Variants in GALNT13 observed in about 807,000 individuals in gnomAD.
GALNT13 encodes polypeptide N-acetylgalactosaminyltransferase 13, also known as UDP-GalNAc:polypeptide N-acetylgalactosaminyltransferase 13.
In GALNT13, 28 loss-of-function variants were observed where a neutral mutation model predicts 64.2. The observed-to-expected ratio is 0.44, with a 90% CI of 0.32 to 0.60. The LOEUF is 0.60. Among genes scored for constraint, GALNT13 ranks in the 20% least tolerant of loss-of-function variants. The probability of loss-of-function intolerance (pLI) is 0.05; values close to 1 mark genes in which losing one functional copy is unlikely to be tolerated. For missense variants in GALNT13, 577 were observed against 669.8 expected (o/e 0.86, Z 1.53); for synonymous variants, 214 against 224.6 (o/e 0.95, Z 0.42).
chr2:153,261,341 C>T, the GALNT13 span, among the ~76,000 whole-genome samples: 1 of 152,124 alleles, frequency 6.6e-6, no homozygotes, highest in Non-Finnish European at 1.5e-5. Flanking sequence ...TCTTACCTAT[C>T]CTTTTCGAGG....
the GALNT13 span, among the ~76,000 whole-genome samples, chr2:153,296,373 C>T: frequency 6.6e-6 from 1 of 152,098 alleles, no homozygotes; most frequent in African/African-American, 2.4e-5. Context: ...ATAATTGGCA[C>T]CTACCTTGCA....
At chr2:153,145,483 A>G in the GALNT13 span, among the ~76,000 whole-genome samples, 87 of 152,122 alleles carry the variant, frequency 5.7e-4, no homozygotes, top group Admixed American at 7.9e-4. Flanking sequence ...ATATAATAAT[A>G]ATCCTGAAAG....
At chr2:154,159,120 T>A (rs928029275) in intron 4 of GALNT13, among the ~76,000 whole-genome samples, 12 of 151,732 alleles carry the variant, frequency 7.9e-5, no homozygotes, top group African/African-American at 2.9e-4. Flanking sequence ...TTATTTATTT[T>A]ATTTATTTAT....
At chr2:153,177,184 A>G in the GALNT13 span, among the ~76,000 whole-genome samples, 5 of 152,174 alleles carry the variant, frequency 3.3e-5, no homozygotes, top group Non-Finnish European at 7.4e-5. Context: ...AAAGAGCAAG[A>G]AGTAGACAAA....
At chr2:154,383,274 C>CA (rs1384877258) in intron 9 of GALNT13, among the ~76,000 whole-genome samples, 1 of 151,812 alleles carries the variant, frequency 6.6e-6, no homozygotes, top group Admixed American at 6.6e-5. Flanking sequence ...ATGCATGATG[C>CA]ACTGTTTGAG....
At chr2:153,848,387 G>A in the GALNT13 span, among the ~76,000 whole-genome samples, 93 of 152,314 alleles carry the variant, frequency 6.1e-4, 2 homozygotes, top group Admixed American at 2.6e-3. Flanking sequence ...TCACTTGGTA[G>A]TGTTAGGCTG....
At chr2:154,234,204 C>A (rs1445879736) in intron 4 of GALNT13, among the ~76,000 whole-genome samples, 1 of 152,112 alleles carries the variant, frequency 6.6e-6, no homozygotes, top group African/African-American at 2.4e-5. Context: ...AGAACTGTGT[C>A]AATGATCAGA....
chr2:153,235,689 C>T, the GALNT13 span, among the ~76,000 whole-genome samples: 2 of 152,086 alleles, frequency 1.3e-5, no homozygotes, highest in South Asian at 4.1e-4. Context: ...AAAGGATGGT[C>T]TAACCATGAA....
the GALNT13 span, among the ~76,000 whole-genome samples, chr2:153,176,549 C>T: frequency 6.6e-6 from 1 of 151,778 alleles, no homozygotes; most frequent in Non-Finnish European, 1.5e-5. Context: ...GTAGACTGGA[C>T]ACAAAAAATT....
chr2:153,294,865 A>G, the GALNT13 span, among the ~76,000 whole-genome samples: 3 of 152,182 alleles, frequency 2.0e-5, no homozygotes, highest in African/African-American at 7.2e-5. Context: ...GAGAGGAAAA[A>G]GAAAAAAGTT....
downstream of GALNT13, among the ~76,000 whole-genome samples, chr2:154,454,316 T>C (rs755660269): frequency 1.3e-5 from 2 of 152,134 alleles, no homozygotes; most frequent in Non-Finnish European, 2.9e-5. Context: ...AAACTAATAC[T>C]GTCACTCAAA....
chr2:154,295,158 C>T (rs1028089137), intron 8 of GALNT13, among the ~76,000 whole-genome samples: 1 of 152,090 alleles, frequency 6.6e-6, no homozygotes, highest in Non-Finnish European at 1.5e-5. Context: ...GTCATGAGGA[C>T]AACTGTCAGT....
At chr2:153,533,898 G>A in the GALNT13 span, among the ~76,000 whole-genome samples, 1 of 150,796 alleles carries the variant, frequency 6.6e-6, no homozygotes, top group Non-Finnish European at 1.5e-5. Context: ...CTCTATTCTT[G>A]TCTTTTTTTA....
At chr2:153,655,040 A>T in the GALNT13 span, among the ~76,000 whole-genome samples, 1 of 152,148 alleles carries the variant, frequency 6.6e-6, no homozygotes, top group African/African-American at 2.4e-5. Flanking sequence ...TGTAACTAGT[A>T]TAACTTGCAA....
chr2:153,810,906 C>A, the GALNT13 span, among the ~76,000 whole-genome samples: 1 of 152,128 alleles, frequency 6.6e-6, no homozygotes, highest in Non-Finnish European at 1.5e-5. Flanking sequence ...GTGATTTGTA[C>A]AACCACTTTG....
the GALNT13 span, among the ~76,000 whole-genome samples, chr2:153,299,552 C>G: frequency 6.6e-6 from 1 of 152,216 alleles, no homozygotes; most frequent in Non-Finnish European, 1.5e-5. Flanking sequence ...TTCGAAGATG[C>G]AGCAGAGAGC....
At chr2:154,108,606 T>C (rs1374054678) in intron 3 of GALNT13, among the ~76,000 whole-genome samples, 1 of 152,130 alleles carries the variant, frequency 6.6e-6, no homozygotes, top group Non-Finnish European at 1.5e-5. Flanking sequence ...TATTTGTCTA[T>C]TTTTATTTGG....
At chr2:154,273,182 T>A (rs536693666) in intron 8 of GALNT13, among the ~76,000 whole-genome samples, 2 of 152,090 alleles carry the variant, frequency 1.3e-5, no homozygotes, top group Non-Finnish European at 2.9e-5. Context: ...AGGTAAAATG[T>A]TGTGAATGAC....
chr2:153,383,684 C>G, the GALNT13 span, among the ~76,000 whole-genome samples: 23 of 151,900 alleles, frequency 1.5e-4, no homozygotes, highest in East Asian at 4.1e-3. Flanking sequence ...ACACATATAC[C>G]CTAAAAATAA....
Sources: allele counts gnomAD v4.1 joint callset (sites outside exome capture counted in the v4.1 genomes callset), GRCh38; gene constraint gnomAD v4.1.1; transcripts MANE v1.5; gene names NCBI Gene and HGNC (gene_info 2026-07-23, HGNC 2026-07-21).